RHOBTB3: variants seen among roughly 807,000 people sequenced by gnomAD.
RHOBTB3 encodes Rho related BTB domain containing 3.
A neutral mutation model predicts 67.2 loss-of-function variants in RHOBTB3; 47 were observed. That is an observed-to-expected ratio of 0.70 (90% CI 0.55 to 0.89). The LOEUF is 0.89. Ranked by LOEUF, RHOBTB3 falls within the 40% of genes least tolerant of loss-of-function variation. The pLI is 0.00. For synonymous variants in RHOBTB3, 273 were observed against 274.2 expected (o/e 1.00, Z 0.04); for missense variants, 631 against 750.0 (o/e 0.84, Z 1.85).
At chr5:95,760,181 C>T (rs138216378) in intron 6 of RHOBTB3, among the ~76,000 whole-genome samples, 20 of 152,220 alleles carry the variant, frequency 1.3e-4, no homozygotes, top group South Asian at 6.2e-4. Flanking sequence ...GTTTTGTATA[C>T]GTTAGTTTTC....
At chr5:95,739,871 T>A (rs1470458535) in intron 3 of RHOBTB3, among the ~76,000 whole-genome samples, 1 of 152,212 alleles carries the variant, frequency 6.6e-6, no homozygotes, top group Non-Finnish European at 1.5e-5. Flanking sequence ...GCCTGATACT[T>A]CTTCAACTTT....
rs200474432 is a variant in RHOBTB3, at chr5:95,731,648, C to T, written c.-35C>T. ...CGCGAAGCCGTGAGCCGCTGCTTTT[C>T]TCCGAGTCGCCGCCCTGCCCTTGGA... On this transcript the variant is annotated 5_prime_UTR_variant, in exon 1 of 12. Transcript: ENST00000379982. The T allele has an allele frequency of 2.5e-6, 4 of 1,612,818 alleles. No individual in the cohort carries two copies. Among genetic ancestry groups the T allele is most frequent in the East Asian group, 2.2e-5 (1 of 44,808 alleles).
rs1746549588 is a variant in RHOBTB3, at chr5:95,795,885, A to G, written c.*2711A>G. On this transcript the variant is annotated 3_prime_UTR_variant, in exon 12 of 12. Coordinates refer to ENST00000379982, the MANE Select transcript of RHOBTB3 (RefSeq NM_014899.4). The stretch of plus-strand genomic sequence containing the variant: ...TGGTTTCTGCTTCCATATATTTCCC[A>G]GTCATTTTAATTAGAGAAGATACTC... 1.3e-5 allele frequency: 2 copies of G among 152,062 alleles called. No homozygotes were observed. The highest frequency in any genetic ancestry group is 2.1e-4 in the South Asian group (1 of 4,826). 9.4% of individuals were successfully genotyped at this position (152,062 alleles called of 1,614,324 possible). A position where few individuals can be genotyped will look rare whatever the true frequency, so the allele number is the denominator to read the frequency against.
At chr5:95,728,611 T>C (rs1755126628), upstream of RHOBTB3, among the ~76,000 whole-genome samples, 1 of 152,242 alleles carries the variant, frequency 6.6e-6, no homozygotes, top group Admixed American at 6.5e-5. Context: ...GGAACTAGAA[T>C]GTTTTCAAAA....
At chr5:95,720,027 A>G (rs1754821276) in intron 1 of RHOBTB3, among the ~76,000 whole-genome samples, 2 of 152,204 alleles carry the variant, frequency 1.3e-5, no homozygotes, top group African/African-American at 2.4e-5. Context: ...AGTGTTTGCT[A>G]CCTATTATAA....
At chr5:95,747,466 C>T (rs898537023) in intron 3 of RHOBTB3, among the ~76,000 whole-genome samples, 12 of 152,350 alleles carry the variant, frequency 7.9e-5, no homozygotes, top group African/African-American at 2.9e-4. Context: ...AATGAATTTA[C>T]CCTCTTTTGA....
At chr5:95,731,757 G>A in intron 1 of RHOBTB3, 73 bp downstream of exon 1, 1 of 1,607,058 alleles carries the variant, frequency 6.2e-7, no homozygotes, top group South Asian at 1.1e-5. Flanking sequence ...AGGGGCTGGT[G>A]CCCATCCTCG....
chr5:95,762,982 G>A (rs1215591067), intron 6 of RHOBTB3, among the ~76,000 whole-genome samples: 6 of 152,186 alleles, frequency 3.9e-5, no homozygotes, highest in African/African-American at 7.2e-5. Context: ...CTACGTGGAC[G>A]AGTAGCTCCC....
At chr5:95,792,991 A>G (rs1746460438) in intron 11 of RHOBTB3, 68 bp from the exon 12 acceptor site, 3 of 1,066,272 alleles carry the variant, frequency 2.8e-6, no homozygotes, top group Non-Finnish European at 4.3e-6. Context: ...GAGGAAATCA[A>G]TAGCTGATAT....
chr5:95,732,670 G>A (rs1755326600), intron 2 of RHOBTB3: 1 of 150,948 alleles, frequency 6.6e-6, no homozygotes, highest in African/African-American at 2.4e-5. Flanking sequence ...ATTTGTCTTA[G>A]TGACTCATAA....
upstream of RHOBTB3, among the ~76,000 whole-genome samples, chr5:95,730,040 G>C (rs145066143): frequency 9.7e-4 from 147 of 151,672 alleles, no homozygotes; most frequent in Middle Eastern, 0.01. Context: ...TTAGGTTCTA[G>C]AGACTCAAAG....
upstream of RHOBTB3, among the ~76,000 whole-genome samples, chr5:95,730,111 G>A (rs1755176609): frequency 6.6e-6 from 1 of 151,416 alleles, no homozygotes; most frequent in Non-Finnish European, 1.5e-5. Flanking sequence ...ACCACATAAA[G>A]AATATCTCCC....
At chr5:95,743,403 T>C (rs1393232840) in intron 3 of RHOBTB3, among the ~76,000 whole-genome samples, 4 of 152,028 alleles carry the variant, frequency 2.6e-5, no homozygotes, top group African/African-American at 9.7e-5. Context: ...TCCCCAGTCA[T>C]TTGCCTTTGG....
chr5:95,763,059 CCTT>C (rs1745438167), intron 6 of RHOBTB3, among the ~76,000 whole-genome samples: 1 of 152,136 alleles, frequency 6.6e-6, no homozygotes, highest in Non-Finnish European at 1.5e-5. Flanking sequence ...ATGCTTGAGA[CCTT>C]CTGAATGCAT....
At chr5:95,745,461 G>A (rs1744866982) in intron 3 of RHOBTB3, among the ~76,000 whole-genome samples, 1 of 152,034 alleles carries the variant, frequency 6.6e-6, no homozygotes, top group South Asian at 2.1e-4. Flanking sequence ...CCAAAGACAG[G>A]CATCCTTTCA....
intron 1 of RHOBTB3, among the ~76,000 whole-genome samples, chr5:95,725,502 C>T (rs555918230): frequency 6.6e-6 from 1 of 152,250 alleles, no homozygotes; most frequent in Non-Finnish European, 1.5e-5. Context: ...AAGCGCACGC[C>T]TTTGCGTGAG....
At chr5:95,723,365 C>CTGT (rs1181003852) in intron 1 of RHOBTB3, among the ~76,000 whole-genome samples, 1 of 152,158 alleles carries the variant, frequency 6.6e-6, no homozygotes, top group African/African-American at 2.4e-5. Flanking sequence ...TACAGCCTTG[C>CTGT]AATTTAAAAG....
rs1360102785 is a variant in RHOBTB3 at position 95,755,607 on chromosome 5, C to T, written c.894C>T (p.Ile298=). The part of the protein sequence containing the change: ...KSPTDIQDSS[I]IRTTQDLFAI... The stretch of plus-strand genomic sequence containing the variant: ...CCACTGACATTCAGGATTCCAGTAT[C>T]ATCCGAACTACCCAGGATCTTTTTG... Residue 298 remains isoleucine (I), a synonymous_variant, in exon 6 of 12, where the codon ATC becomes ATT. Transcript: ENST00000379982. 6.2e-7 allele frequency: 1 copy of T among 1,614,140 alleles called. No homozygotes were observed. The highest frequency in any genetic ancestry group is 8.5e-7 in the Non-Finnish European group (1 of 1,180,002).
chr5:95,768,205 A>ATTTCTTGTTTTCT, intron 8 of RHOBTB3, 39 bp downstream of exon 8: 1 of 1,571,962 alleles, frequency 6.4e-7, no homozygotes, highest in Non-Finnish European at 8.6e-7. Context: ...ATTCATTTTT[A>ATTTCTTGTTTTCT]TTTCTTGTTT....
Sources: allele counts gnomAD v4.1 joint callset (sites outside exome capture counted in the v4.1 genomes callset), GRCh38; gene constraint gnomAD v4.1.1; transcripts MANE v1.5; gene names NCBI Gene and HGNC (gene_info 2026-07-23, HGNC 2026-07-21).